The following LPIN1 variants were observed in gnomAD, a reference collection of about 807,000 sequenced individuals.
The protein encoded by LPIN1 is lipin 1.
A neutral mutation model predicts 107.5 loss-of-function variants in LPIN1; 71 were observed. The observed-to-expected ratio is 0.66, with a 90% CI of 0.55 to 0.80. The LOEUF is 0.80. Among genes scored for constraint, LPIN1 ranks in the 30% least tolerant of loss-of-function variants. The pLI is 0.00. For missense variants in LPIN1, 1,043 were observed against 1,160.6 expected (o/e 0.90, Z 1.47); for synonymous variants, 445 against 452.6 (o/e 0.98, Z 0.21).
chr2:11,722,029 T>G (rs1172280577), upstream of LPIN1: 1 of 131,872 alleles, frequency 7.6e-6, no homozygotes, highest in Non-Finnish European at 1.7e-5. Context: ...AGTAGTTCAG[T>G]TTGGAAGGCA....
chr2:11,746,857 G>A (rs1180557636), intron 1 of LPIN1, among the ~76,000 whole-genome samples, 186 bp downstream of exon 1: 1 of 152,076 alleles, frequency 6.6e-6, no homozygotes, highest in African/African-American at 2.4e-5. Flanking sequence ...TCGGGGGAGG[G>A]AGGCGGGGAA....
chr2:11,727,924 C>T (rs767401647), intron 1 of LPIN1, among the ~76,000 whole-genome samples: 2 of 152,150 alleles, frequency 1.3e-5, no homozygotes, highest in South Asian at 2.1e-4. Context: ...TCTGCAGATG[C>T]GGAGGGCTGA....
rs114717837 is a variant in LPIN1, at chr2:11,789,103, C to T, written c.1713+647C>T. ...TGATAGATCTTCCTGCTAGATTATA[C>T]GTTCTTTGCTGCAGAGACTGCCTTA... On this transcript the variant is annotated intron_variant, in intron 12 of 20. Transcript: ENST00000674199. Among the ~76,000 whole-genome samples the T allele has an allele frequency of 4.6e-3, 698 of 152,350 alleles. 2 individuals are homozygous for T. Among genetic ancestry groups the T allele is most frequent in the Middle Eastern group, 0.01 (3 of 294 alleles).
chr2:11,709,302 A>T (rs906231368), intron 1 of LPIN1, among the ~76,000 whole-genome samples: 8 of 152,224 alleles, frequency 5.3e-5, no homozygotes, highest in Non-Finnish European at 1.2e-4. Context: ...GTAGATGCAG[A>T]ATTTTGGAGA....
intron 1 of LPIN1, among the ~76,000 whole-genome samples, chr2:11,710,441 G>C (rs1027997293): frequency 4.0e-5 from 6 of 151,634 alleles, no homozygotes; most frequent in African/African-American, 1.5e-4. Context: ...TGTGGCTCTG[G>C]CAGCCAATGC....
chr2:11,686,893 G>A (rs548808430), intron 1 of LPIN1, among the ~76,000 whole-genome samples: 4 of 151,678 alleles, frequency 2.6e-5, no homozygotes, highest in African/African-American at 9.7e-5. Context: ...GTTTTGTTTG[G>A]TGCTCAAAGG....
At chr2:11,801,583 G>A (rs1677742120) in intron 14 of LPIN1, among the ~76,000 whole-genome samples, 1 of 152,210 alleles carries the variant, frequency 6.6e-6, no homozygotes, top group Non-Finnish European at 1.5e-5. Context: ...GTAGAATGGT[G>A]GTTACCAGAG....
intron 1 of LPIN1, among the ~76,000 whole-genome samples, chr2:11,684,891 G>A (rs1348022159): frequency 2.0e-5 from 3 of 151,996 alleles, no homozygotes; most frequent in African/African-American, 7.3e-5. Flanking sequence ...TTCACTAGGC[G>A]ACACTGTGGC....
intron 2 of LPIN1, among the ~76,000 whole-genome samples, chr2:11,715,699 A>G (rs1252483329): frequency 6.6e-6 from 1 of 152,040 alleles, no homozygotes; most frequent in African/African-American, 2.4e-5. Context: ...AGAGAAGGTG[A>G]GTGTTCTGCA....
chr2:11,791,991 C>T lies in LPIN1; in HGVS notation c.1791C>T (p.Asn597=), dbSNP rs750697149. ...GRWWFSWRGR[N]TTIKEESKPE... Reference sequence around the variant, plus strand: ...GGTGGTTTTCATGGAGGGGAAGAAACACCACAATCAAGGAGGTAAGCCCAG... The same window carrying T: ...GGTGGTTTTCATGGAGGGGAAGAAATACCACAATCAAGGAGGTAAGCCCAG... Residue 597 remains asparagine, a synonymous_variant, in exon 13 of 21, where the codon AAC becomes AAT. Transcript: ENST00000674199. 2.0e-5 allele frequency: 32 copies of T among 1,613,630 alleles called. No homozygotes were observed. Among genetic ancestry groups the T allele is most frequent in the African/African-American group, 2.7e-5 (2 of 74,908 alleles).
At chr2:11,748,541 G>A (rs985264817) in intron 1 of LPIN1, among the ~76,000 whole-genome samples, 8 of 152,208 alleles carry the variant, frequency 5.3e-5, no homozygotes, top group Non-Finnish European at 8.8e-5. Flanking sequence ...TGGGGTCCAC[G>A]AATCATTGTG....
At chr2:11,737,154 A>C (rs6753029) in intron 1 of LPIN1, among the ~76,000 whole-genome samples, 32 of 152,344 alleles carry the variant, frequency 2.1e-4, no homozygotes, top group African/African-American at 7.5e-4. Flanking sequence ...CTATTAATAA[A>C]TGGTGCTGGG....
chr2:11,783,781 T>C, intron 8 of LPIN1, 48 bp from the exon 9 acceptor site: 1 of 1,460,138 alleles, frequency 6.8e-7, no homozygotes, highest in Non-Finnish European at 9.6e-7. Context: ...GGCCATGAGC[T>C]CATTTCTAGA....
Position 11,786,710 on chromosome 2 carries a change from C to T in LPIN1, c.1550-364C>T, listed in dbSNP as rs978795692. Among the ~76,000 whole-genome samples the T allele has an allele frequency of 2.6e-5, 4 of 152,208 alleles. No homozygotes were observed. The highest frequency in any genetic ancestry group is 6.5e-5 in the Admixed American group (1 of 15,286). On this transcript the variant is annotated intron_variant, in intron 10 of 20. Transcript: ENST00000674199. This position sits in a 1 kb window ranked among gnomAD's most constrained non-coding sequence, Gnocchi z 4.1. ...TGAACCGCTTGCCCAGGGTTACCCC[C>T]GTAATCGTGACTTCAGCCGAGGGAG... is the stretch of plus-strand genomic sequence containing the variant.
In LPIN1 at chr2:11,764,078, G is replaced by GTGTATATATA. The variant is rs1313228035; in HGVS notation, c.-9-1454_-9-1453insGTATATATAT. 18 of 63,278 alleles carry GTGTATATATA rather than the reference G, an allele frequency of 2.8e-4. No homozygotes were observed. In the East Asian group the frequency reaches 5.2e-3, roughly 18 times the overall value. 3.9% of individuals were successfully genotyped at this position (63,278 alleles called of 1,614,324 possible). On this transcript the variant is annotated intron_variant, in intron 1 of 20. Coordinates refer to ENST00000674199, the MANE Select transcript of LPIN1 (RefSeq NM_001349206.2). ...AATGTGTGTGTGTGTGTGTGTGTGT[G>GTGTATATATA]TATATATATATATATATATATATAT...
At chr2:11,742,901 T>C (rs1666517471), upstream of LPIN1, among the ~76,000 whole-genome samples, 1 of 152,244 alleles carries the variant, frequency 6.6e-6, no homozygotes, top group Admixed American at 6.5e-5. Flanking sequence ...GCCTGACTGC[T>C]GTGCATGTGC....
intron 2 of LPIN1, among the ~76,000 whole-genome samples, chr2:11,715,204 T>A (rs10929769): frequency 0.44 from 66,434 of 152,028 alleles, 15,924 homozygotes; most frequent in South Asian, 0.59. Context: ...CAGCTTCCCG[T>A]GGTTCAGTCC....
At chr2:11,693,427 C>T (rs569631972) in intron 1 of LPIN1, among the ~76,000 whole-genome samples, 35 of 152,176 alleles carry the variant, frequency 2.3e-4, no homozygotes, top group African/African-American at 7.2e-4. Flanking sequence ...CTGCACTATT[C>T]GGAGGAGCTA....
intron 12 of LPIN1, among the ~76,000 whole-genome samples, chr2:11,788,992 G>C (rs1034156380): frequency 6.6e-6 from 1 of 152,202 alleles, no homozygotes; most frequent in African/African-American, 2.4e-5. Context: ...TAGGAGGGCA[G>C]CCACGCCACC....
Sources: allele counts gnomAD v4.1 joint callset (sites outside exome capture counted in the v4.1 genomes callset), GRCh38; gene constraint gnomAD v4.1.1; non-coding constraint Gnocchi (gnomAD v3.1); transcripts MANE v1.5; gene names NCBI Gene and HGNC (gene_info 2026-07-23, HGNC 2026-07-21).